Variants in RALYL observed in about 807,000 individuals in gnomAD.
RALYL encodes the protein RNA-binding Raly-like protein.
Under a neutral mutation model 35.1 loss-of-function variants are expected in RALYL, and 29 were observed. The observed-to-expected ratio is 0.83, with a 90% CI of 0.61 to 1.13. The LOEUF is 1.13. Among genes scored for constraint, RALYL ranks in the 50% most tolerant of loss-of-function variants. The pLI, the probability that RALYL is intolerant of heterozygous loss-of-function variation, is 0.00. For missense variants in RALYL, 359 were observed against 360.4 expected (o/e 1.00, Z 0.03); for synonymous variants, 120 against 127.6 (o/e 0.94, Z 0.40).
At chr8:84,755,492 T>C (rs1398141754) in intron 2 of RALYL, among the ~76,000 whole-genome samples, 1 of 152,196 alleles carries the variant, frequency 6.6e-6, no homozygotes, top group Non-Finnish European at 1.5e-5. Flanking sequence ...TAACCATAAA[T>C]AAACTGGACT....
rs772130336 is a variant in RALYL, at chr8:84,529,534, A to G, written c.213A>G (p.Ala71=). The part of the protein sequence containing the change: ...QYMSERHARA[A]VAGENARVIA... ...TGAGTGAGCGACATGCAAGAGCTGC[A>G]GTGGCTGGAGAAAATGCCAGAGTCA... The change falls in exon 2 of 9, where the codon GCA becomes GCG. Residue 71 remains alanine, a synonymous_variant. Transcript: ENST00000521268. 6.2e-7 allele frequency: 1 copy of G among 1,611,414 alleles called. No homozygotes were observed. The highest frequency in any genetic ancestry group is 8.5e-7 in the Non-Finnish European group (1 of 1,177,652).
chr8:84,563,918 T>C (rs2061615527), intron 2 of RALYL, among the ~76,000 whole-genome samples: 4 of 151,794 alleles, frequency 2.6e-5, no homozygotes, highest in Admixed American at 6.6e-5. Context: ...CAGGAGTTTC[T>C]AGAATGTTGC....
intron 1 of RALYL, among the ~76,000 whole-genome samples, chr8:84,277,674 T>G (rs2401051): frequency 6.6e-6 from 1 of 152,076 alleles, no homozygotes; most frequent in Admixed American, 6.5e-5. Context: ...TAAATACACC[T>G]ATTTTAAATG....
At chr8:84,861,055 TA>T (rs1200647836) in intron 5 of RALYL, among the ~76,000 whole-genome samples, 1 of 152,146 alleles carries the variant, frequency 6.6e-6, no homozygotes, top group East Asian at 1.9e-4. Context: ...ATTAACCTAT[TA>T]TAGAACTTGT....
rs570655859 is a variant in RALYL, at chr8:84,700,075, T to C, written c.257-74504T>C. 2.6e-5 allele frequency among the ~76,000 whole-genome samples: 4 copies of C among 152,136 alleles called. No individual in the cohort carries two copies. The South Asian group carries it at 8.3e-4, about 32-fold the overall frequency. On this transcript the variant is annotated intron_variant, in intron 2 of 8. Transcript: ENST00000521268. ...TTAAAACACTGCAAATTTATCCAAG[T>C]ATAAATGAGAAAATCAGGCAACCAA...
At chr8:84,909,497 A>T (rs967781129) in intron 8 of RALYL, among the ~76,000 whole-genome samples, 1 of 152,306 alleles carries the variant, frequency 6.6e-6, no homozygotes, top group East Asian at 1.9e-4. Context: ...TAGCTGCTAA[A>T]TATAATAGTA....
chr8:84,415,211 T>C (rs2044541249), intron 1 of RALYL, among the ~76,000 whole-genome samples: 1 of 151,352 alleles, frequency 6.6e-6, no homozygotes, highest in South Asian at 2.1e-4. Flanking sequence ...ACTCGTTTTT[T>C]TTTTTTTGTT....
chr8:84,312,070 A>G (rs890629102), intron 1 of RALYL, among the ~76,000 whole-genome samples: 7 of 152,204 alleles, frequency 4.6e-5, no homozygotes, highest in African/African-American at 1.7e-4. Flanking sequence ...GAAACTTGCA[A>G]TCATGGTGGA....
chr8:84,401,484 A>C (rs1025730124), intron 1 of RALYL, among the ~76,000 whole-genome samples: 2 of 151,644 alleles, frequency 1.3e-5, no homozygotes, highest in Non-Finnish European at 2.9e-5. Flanking sequence ...TAAAAATACA[A>C]AAAATTAGCC....
chr8:84,836,314 T>A (rs1378786217), intron 4 of RALYL, among the ~76,000 whole-genome samples: 1 of 152,206 alleles, frequency 6.6e-6, no homozygotes. Flanking sequence ...GAGAGCTTTC[T>A]TAAGTTAGGT....
At chr8:84,285,247 G>A (rs181885221) in intron 1 of RALYL, among the ~76,000 whole-genome samples, 5 of 152,236 alleles carry the variant, frequency 3.3e-5, no homozygotes, top group African/African-American at 1.2e-4. Context: ...ATGCATTTCA[G>A]TGCTACAATC....
intron 5 of RALYL, 63 bp from the exon 6 acceptor site, chr8:84,862,233 C>A (rs753637131): frequency 4.7e-5 from 62 of 1,329,236 alleles, no homozygotes; most frequent in Non-Finnish European, 6.1e-5. Flanking sequence ...TTCAACATTT[C>A]ACATATTTGA....
rs942337337 is a variant in RALYL at position 84,556,167 on chromosome 8, C to A, written c.256+26590C>A. On this transcript the variant is annotated intron_variant, in intron 2 of 8. Coordinates refer to ENST00000521268, the MANE Select transcript of RALYL (RefSeq NM_173848.7). Reference sequence around the variant, plus strand: ...TTGTGCAAAATATTATTGAAAATTACTATTTAAGTTGCATTTTGCGTGTAC... The same window carrying A: ...TTGTGCAAAATATTATTGAAAATTAATATTTAAGTTGCATTTTGCGTGTAC... 3.9e-5 allele frequency among the ~76,000 whole-genome samples: 6 copies of A among 152,228 alleles called. No homozygotes were observed. In the South Asian group the frequency reaches 8.3e-4, roughly 21 times the overall value.
intron 1 of RALYL, among the ~76,000 whole-genome samples, chr8:84,339,922 C>T (rs1482517890): frequency 6.6e-6 from 1 of 152,088 alleles, no homozygotes; most frequent in Admixed American, 6.6e-5. Context: ...TGAAGTGTAG[C>T]TTCTATAATC....
chr8:84,328,180 G>A (rs1176318942), intron 1 of RALYL, among the ~76,000 whole-genome samples: 1 of 152,162 alleles, frequency 6.6e-6, no homozygotes. Context: ...CAGTACACAA[G>A]TCTGGGCCAT....
intron 4 of RALYL, among the ~76,000 whole-genome samples, chr8:84,839,507 A>G (rs1832743896): frequency 6.6e-6 from 1 of 152,222 alleles, no homozygotes; most frequent in African/African-American, 2.4e-5. Flanking sequence ...CAGCTCAAGG[A>G]GGCCTGCCTG....
chr8:84,499,569 T>C (rs1430368306), intron 1 of RALYL, among the ~76,000 whole-genome samples: 1 of 152,086 alleles, frequency 6.6e-6, no homozygotes, highest in Non-Finnish European at 1.5e-5. Flanking sequence ...TGTACTTCTG[T>C]AGTGTGATTC....
chr8:84,563,167 C>CT (rs928406339), intron 2 of RALYL, among the ~76,000 whole-genome samples: 3 of 151,760 alleles, frequency 2.0e-5, no homozygotes, highest in African/African-American at 7.3e-5. Context: ...TTCCTAAGTC[C>CT]TTCAGTGAAG....
intron 5 of RALYL, among the ~76,000 whole-genome samples, chr8:84,856,803 T>C (rs1586795309): frequency 6.8e-6 from 1 of 146,952 alleles, no homozygotes; most frequent in East Asian, 2.0e-4. Flanking sequence ...CCGAGGCGGG[T>C]GGATCATGAG....
Sources: allele counts gnomAD v4.1 joint callset (sites outside exome capture counted in the v4.1 genomes callset), GRCh38; gene constraint gnomAD v4.1.1; transcripts MANE v1.5; gene names NCBI Gene and HGNC (gene_info 2026-07-23, HGNC 2026-07-21).